MACROD2: variants seen among roughly 807,000 people sequenced by gnomAD.
MACROD2 encodes ADP-ribose glycohydrolase MACROD2.
In MACROD2, 36 loss-of-function variants were observed where a neutral mutation model predicts 70.4. The observed-to-expected ratio is 0.51, with a 90% CI of 0.39 to 0.68. The LOEUF (loss-of-function observed/expected upper bound fraction) is 0.68. MACROD2 is among the 30% of genes least tolerant of loss of function. The probability of loss-of-function intolerance (pLI) is 0.00; values close to 1 mark genes in which losing one functional copy is unlikely to be tolerated. For missense variants in MACROD2, 496 were observed against 538.4 expected (o/e 0.92, Z 0.78); for synonymous variants, 172 against 178.8 (o/e 0.96, Z 0.30).
chr20:14,311,788 G>A (rs895986546), intron 3 of MACROD2, among the ~76,000 whole-genome samples: 4 of 152,122 alleles, frequency 2.6e-5, no homozygotes, highest in Admixed American at 2.6e-4. Context: ...TAAGTGCTGG[G>A]ATTACAGGCG....
chr20:15,220,956 C>A (rs1010912147), intron 5 of MACROD2, among the ~76,000 whole-genome samples: 1 of 152,098 alleles, frequency 6.6e-6, no homozygotes. Context: ...CTTGTCCAGG[C>A]GTGTGGTGGC....
intron 16 of MACROD2, among the ~76,000 whole-genome samples, chr20:16,042,423 G>T (rs189219910): frequency 1.6e-4 from 25 of 152,164 alleles, no homozygotes; most frequent in Admixed American, 6.6e-4. Flanking sequence ...GAATAAAAGA[G>T]AAGTAAATGT....
chr20:15,311,595 A>G (rs529984254), intron 6 of MACROD2, among the ~76,000 whole-genome samples: 11 of 152,236 alleles, frequency 7.2e-5, no homozygotes, highest in Non-Finnish European at 1.5e-4. Flanking sequence ...ATAGAATACT[A>G]TGGAGCCACA....
At chr20:14,580,346 A>G (rs1980925761) in intron 4 of MACROD2, among the ~76,000 whole-genome samples, 1 of 152,184 alleles carries the variant, frequency 6.6e-6, no homozygotes, top group Non-Finnish European at 1.5e-5. Flanking sequence ...CAGACTTAAT[A>G]TGCAGTGGCA....
intron 2 of MACROD2, among the ~76,000 whole-genome samples, chr20:14,026,014 G>A (rs983381107): frequency 6.6e-6 from 1 of 152,172 alleles, no homozygotes; most frequent in Non-Finnish European, 1.5e-5. Flanking sequence ...CTTGCTTTAT[G>A]AATCTGGGTG....
At chr20:14,584,071 C>T (rs1323337215) in intron 4 of MACROD2, among the ~76,000 whole-genome samples, 2 of 152,162 alleles carry the variant, frequency 1.3e-5, no homozygotes, top group Non-Finnish European at 2.9e-5. Context: ...CACCTTTTAA[C>T]TATGCCCATT....
intron 8 of MACROD2, among the ~76,000 whole-genome samples, chr20:15,732,219 G>A (rs922687213): frequency 6.6e-6 from 1 of 151,924 alleles, no homozygotes; most frequent in African/African-American, 2.4e-5. Context: ...AAATGACTAG[G>A]ATATCTCTTT....
chr20:15,659,654 G>T (rs189632396), intron 8 of MACROD2, among the ~76,000 whole-genome samples: 123 of 152,058 alleles, frequency 8.1e-4, no homozygotes, highest in Non-Finnish European at 1.2e-3. Context: ...TAGAGGCCAG[G>T]TGTCTTAGTC....
intron 10 of MACROD2, among the ~76,000 whole-genome samples, chr20:15,913,612 G>T (rs1446621762): frequency 1.3e-5 from 2 of 152,122 alleles, no homozygotes; most frequent in African/African-American, 4.8e-5. Context: ...TTGTTTGTTT[G>T]TGTCTTTCTT....
At chr20:14,932,490 C>G (rs556893502) in intron 5 of MACROD2, among the ~76,000 whole-genome samples, 1 of 152,270 alleles carries the variant, frequency 6.6e-6, no homozygotes, top group African/African-American at 2.4e-5. Context: ...GCATGAGAGT[C>G]CATACAAACA....
chr20:15,333,548 G>A (rs567830053), intron 6 of MACROD2, among the ~76,000 whole-genome samples: 2 of 151,668 alleles, frequency 1.3e-5, no homozygotes, highest in South Asian at 4.1e-4. Context: ...GGGGAAAATA[G>A]ACATGTAGCC....
At chr20:14,268,926 T>C (rs191720683) in intron 3 of MACROD2, among the ~76,000 whole-genome samples, 21 of 152,326 alleles carry the variant, frequency 1.4e-4, no homozygotes, top group Admixed American at 1.2e-3. Flanking sequence ...ATCAACATCA[T>C]GGTTGAAATA....
intron 4 of MACROD2, among the ~76,000 whole-genome samples, chr20:14,582,561 A>G (rs1297391296): frequency 6.6e-6 from 1 of 152,096 alleles, no homozygotes; most frequent in Non-Finnish European, 1.5e-5. Context: ...ACATCAGCAT[A>G]ATATTAAATG....
chr20:14,519,073 A>T (rs144365108), intron 4 of MACROD2, among the ~76,000 whole-genome samples: 124 of 152,324 alleles, frequency 8.1e-4, no homozygotes, highest in Middle Eastern at 3.4e-3. Context: ...GTTCTTCTTC[A>T]CTAGAGATAG....
At chr20:15,347,790 A>G (rs756260991) in intron 6 of MACROD2, among the ~76,000 whole-genome samples, 1 of 152,236 alleles carries the variant, frequency 6.6e-6, no homozygotes, top group Admixed American at 6.5e-5. Context: ...TTCCACTAGT[A>G]CATCTTCTAA....
chr20:15,737,888 A>ATGGG (rs1220232399), intron 8 of MACROD2, among the ~76,000 whole-genome samples: 1 of 151,834 alleles, frequency 6.6e-6, no homozygotes, highest in Non-Finnish European at 1.5e-5. Flanking sequence ...GGATGGATGG[A>ATGGG]TGATGAATGG....
intron 3 of MACROD2, among the ~76,000 whole-genome samples, chr20:14,143,230 T>G (rs1349603228): frequency 6.6e-6 from 1 of 152,190 alleles, no homozygotes; most frequent in Admixed American, 6.5e-5. Flanking sequence ...GGGTACTTGT[T>G]TCTACATTTT....
chr20:14,835,280 A>G (rs1436581594), intron 5 of MACROD2, among the ~76,000 whole-genome samples: 4 of 152,090 alleles, frequency 2.6e-5, no homozygotes, highest in Admixed American at 6.6e-5. Flanking sequence ...ATGAAGACAT[A>G]TATGAAGTAG....
At chr20:15,038,131 A>T (rs565242873) in intron 5 of MACROD2, among the ~76,000 whole-genome samples, 1 of 152,356 alleles carries the variant, frequency 6.6e-6, no homozygotes, top group South Asian at 2.1e-4. Context: ...CTTAGAATAT[A>T]TGCCACCTAG....
Sources: gnomAD v4.1 joint callset for allele counts (sites outside exome capture counted in the v4.1 genomes callset) on GRCh38, gnomAD v4.1.1 for gene constraint, MANE v1.5 for transcripts, NCBI Gene and HGNC (gene_info 2026-07-23, HGNC 2026-07-21) for gene names.